The following APOO variants were observed in gnomAD, a reference collection of about 807,000 sequenced individuals.
APOO encodes the protein MICOS complex subunit MIC26.
A neutral mutation model predicts 23.1 loss-of-function variants in APOO; 11 were observed. That is an observed-to-expected ratio of 0.48 (90% confidence interval 0.30 to 0.79). The LOEUF (loss-of-function observed/expected upper bound fraction) is 0.79, where lower values mean the gene tolerates loss of function less well. Ranked by LOEUF, APOO falls within the 30% of genes least tolerant of loss-of-function variation. APOO has a pLI of 0.07. For synonymous variants in APOO, 59 were observed against 54.8 expected (o/e 1.08, Z -0.34); for missense variants, 160 against 142.7 (o/e 1.12, Z -0.62).
chrX:23,904,814 T>C (rs1286736767), intron 1 of APOO, among the ~76,000 whole-genome samples: 7 of 111,287 alleles, frequency 6.3e-5, no homozygotes, highest in African/African-American at 1.3e-4. Context: ...CCTGACACTG[T>C]TGACCAACTG....
chrX:23,891,153 G>C (rs1157372129), intron 1 of APOO, among the ~76,000 whole-genome samples: 2 of 111,154 alleles, frequency 1.8e-5, no homozygotes, highest in Non-Finnish European at 3.8e-5. Flanking sequence ...AGCTCTTCAA[G>C]GTTGATGAGT....
chrX:23,876,181 G>A (rs764235905), intron 3 of APOO, among the ~76,000 whole-genome samples: 17 of 110,628 alleles, frequency 1.5e-4, no homozygotes, highest in African/African-American at 5.2e-4. Context: ...GGAGAATGGC[G>A]TGAACCCAGA....
In APOO at chrX:23,894,057, T is replaced by G. The variant is rs762152141; in HGVS notation, c.10-13105A>C. On this transcript the variant is annotated intron_variant, in intron 1 of 8. Coordinates refer to ENST00000379226, the MANE Select transcript of APOO (RefSeq NM_024122.5). ...AATAGATGTTTTCTTTTCAAAGCAG[T>G]TACCTTGATAAATCATATATGGAGT... Among the ~76,000 whole-genome samples the G allele has an allele frequency of 9.8e-5, 11 of 111,737 alleles. No individual in the cohort carries two copies. The South Asian group carries it at 4.1e-3, about 42-fold the overall frequency.
intron 7 of APOO, among the ~76,000 whole-genome samples, chrX:23,848,852 ATTTT>A (rs773306111): frequency 1.6e-5 from 1 of 63,630 alleles, no homozygotes; most frequent in Non-Finnish European, 2.9e-5. Flanking sequence ...TGCGCGGCTG[ATTTT>A]TTTTTTTTTT....
At position 23,880,699 on chromosome X, in the gene APOO, A is replaced by AAAATAAATAAAT. The variant is rs751766793; in HGVS notation, c.117+134_117+145dup. 2.8e-3 allele frequency: 483 copies of AAAATAAATAAAT among 172,835 alleles called. 3 individuals are homozygous for AAAATAAATAAAT. Among genetic ancestry groups the AAAATAAATAAAT allele is most frequent in the African/African-American group, 0.014 (390 of 28,285 alleles). 14.2% of individuals were successfully genotyped at this position (172,835 alleles called of 1,213,427 possible). On this transcript the variant is annotated intron_variant, in intron 2 of 8. Coordinates refer to ENST00000379226, the MANE Select transcript of APOO (RefSeq NM_024122.5). ...GGCAACAAGAGCGAAACTCCGTCTCAAAATAAATAAATAAATAAATAAATA... is the reference window on the plus strand; with the variant it reads ...GGCAACAAGAGCGAAACTCCGTCTCAAAATAAATAAATAAATAAATAAATAAATAAATAAATA...
At chrX:23,866,220 C>T (rs7062674) in intron 5 of APOO, among the ~76,000 whole-genome samples, 7,089 of 111,835 alleles carry the variant, frequency 0.063, 573 homozygotes, top group African/African-American at 0.22. Flanking sequence ...AACACCCTGG[C>T]CTTGGGATGT....
chrX:23,886,538 C>T (rs1450309674), intron 1 of APOO, among the ~76,000 whole-genome samples: 1 of 111,841 alleles, frequency 8.9e-6, no homozygotes, highest in Non-Finnish European at 1.9e-5. Flanking sequence ...AAGCTCATTC[C>T]TAAGGAGCCA....
chrX:23,894,176 G>A (rs964708236), intron 1 of APOO, among the ~76,000 whole-genome samples: 5 of 108,217 alleles, frequency 4.6e-5, no homozygotes, highest in Admixed American at 9.9e-5. Flanking sequence ...ACAGAGTCTC[G>A]CCCTGTCACC....
chrX:23,867,455 C>T (rs1054077564), intron 5 of APOO, among the ~76,000 whole-genome samples: 1 of 111,960 alleles, frequency 8.9e-6, no homozygotes, highest in African/African-American at 3.2e-5. Context: ...CCTTCCACCA[C>T]GATTGGAAGC....
chrX:23,907,407 G>A (rs772957050), intron 1 of APOO, among the ~76,000 whole-genome samples: 32 of 112,334 alleles, frequency 2.8e-4, no homozygotes, highest in Non-Finnish European at 4.9e-4. Flanking sequence ...CGAGGGGATG[G>A]GTACTTTGGG....
At chrX:23,879,466 A>G (rs894939275) in intron 2 of APOO, among the ~76,000 whole-genome samples, 4 of 111,771 alleles carry the variant, frequency 3.6e-5, no homozygotes, top group Admixed American at 9.6e-5. Flanking sequence ...CATGAATTCC[A>G]GTGACTCTAA....
intron 7 of APOO, among the ~76,000 whole-genome samples, chrX:23,849,609 A>AAAAAAAAAAAAAAAG (rs1311653969): frequency 5.3e-5 from 5 of 94,472 alleles, no homozygotes; most frequent in African/African-American, 1.8e-4. Context: ...AAAAAAAAAA[A>AAAAAAAAAAAAAAAG]GTTCGGGCAT....
chrX:23,856,333 AT>A lies in APOO; in HGVS notation c.529del (p.Ile177Ter). The A allele has an allele frequency of 8.3e-7, 1 of 1,210,356 alleles. No individual in the cohort carries two copies. Among genetic ancestry groups the A allele is most frequent in the Non-Finnish European group, 1.1e-6 (1 of 894,840 alleles). On this transcript the variant is annotated frameshift_variant, in exon 7 of 9. Transcript: ENST00000379226. LOFTEE classifies it high-confidence loss of function. ...AAAGTTCTCCTTCCACAAATCTTCTATGACTATATATCCTCGTAAACCCCAG... is the reference window on the plus strand; with the variant it reads ...AAAGTTCTCCTTCCACAAATCTTCTAGACTATATATCCTCGTAAACCCCAG... ...YDWGLRGYIVIEDLWKENFQK... is the reference protein window; with the variant it reads ...YDWGLRGYIVXEDLWKENFQK...
At chrX:23,869,641 A>T (rs972322280) in intron 4 of APOO, among the ~76,000 whole-genome samples, 5 of 65,677 alleles carry the variant, frequency 7.6e-5, no homozygotes, top group Non-Finnish European at 1.4e-4. Context: ...TCTTAAAAAG[A>T]AAAAAAAAAA....
At chrX:23,861,559 CAAAAA>C (rs1344776442) in intron 5 of APOO, among the ~76,000 whole-genome samples, 1 of 39,069 alleles carries the variant, frequency 2.6e-5, no homozygotes, top group African/African-American at 9.1e-5. Flanking sequence ...GATCCTGTCT[CAAAAA>C]AAAAAAAAAA....
At chrX:23,896,569 T>A (rs1442559517) in intron 1 of APOO, among the ~76,000 whole-genome samples, 2 of 111,835 alleles carry the variant, frequency 1.8e-5, no homozygotes, top group African/African-American at 6.5e-5. Context: ...CATTTGAATG[T>A]AAAATTTGGG....
In APOO at chrX:23,907,926, G is replaced by T; in HGVS notation, c.-224C>A. 2.7e-6 allele frequency: 1 copy of T among 374,473 alleles called. No homozygotes were observed. Among genetic ancestry groups the T allele is most frequent in the South Asian group, 6.7e-5 (1 of 14,874 alleles). The allele number at this position is 374,473 out of a possible 1,213,427, so 30.9% of individuals were successfully genotyped here. On this transcript the variant is annotated 5_prime_UTR_variant, in exon 1 of 9. Transcript: ENST00000379226. Reference sequence around the variant, plus strand: ...CGCAGCGCGTCGCGCCCGGGCAGCGGGTGAACGCAAACCCCGCCCTCCAGG... The same window carrying T: ...CGCAGCGCGTCGCGCCCGGGCAGCGTGTGAACGCAAACCCCGCCCTCCAGG...
intron 7 of APOO, among the ~76,000 whole-genome samples, chrX:23,847,980 G>A (rs951239599): frequency 1.8e-4 from 19 of 108,453 alleles, no homozygotes; most frequent in Non-Finnish European, 3.1e-4. Flanking sequence ...GGGTTCAAGC[G>A]ATTCTCCTGC....
At chrX:23,888,836 T>G (rs1926489720) in intron 1 of APOO, among the ~76,000 whole-genome samples, 1 of 67,706 alleles carries the variant, frequency 1.5e-5, no homozygotes, top group Non-Finnish European at 2.6e-5. Flanking sequence ...GGCAACAGAG[T>G]GAGATTTCAT....
Sources: gnomAD v4.1 joint callset for allele counts (sites outside exome capture counted in the v4.1 genomes callset) on GRCh38, gnomAD v4.1.1 for gene constraint, MANE v1.5 for transcripts, NCBI Gene and HGNC (gene_info 2026-07-23, HGNC 2026-07-21) for gene names.